The following RPL22 variants were observed in gnomAD, a reference collection of about 807,000 sequenced individuals.
RPL22 encodes ribosomal protein L22.
In RPL22, 4 loss-of-function variants were observed where a neutral mutation model predicts 16.2. The observed-to-expected ratio is 0.25, with a 90% CI of 0.12 to 0.57. The LOEUF is 0.57. RPL22 is among the 20% of genes least tolerant of loss of function. The pLI is 0.92. For missense variants in RPL22, 83 were observed against 156.1 expected (o/e 0.53, Z 2.49); for synonymous variants, 43 against 54.8 (o/e 0.78, Z 0.95).
At chr1:6,193,515 G>C (rs796646909) in intron 2 of RPL22, among the ~76,000 whole-genome samples, 1 of 152,088 alleles carries the variant, frequency 6.6e-6, no homozygotes, top group Admixed American at 6.5e-5. Flanking sequence ...TAGAGACGGG[G>C]TTTCTCCACG....
intron 3 of RPL22, among the ~76,000 whole-genome samples, chr1:6,189,414 A>C (rs1667620799): frequency 6.6e-6 from 1 of 152,148 alleles, no homozygotes; most frequent in African/African-American, 2.4e-5. Context: ...GTTCCCTGAC[A>C]TAGCCGGACA....
At chr1:6,199,040 T>G in intron 1 of RPL22, 1 of 153,590 alleles carries the variant, frequency 6.5e-6, no homozygotes, top group Non-Finnish European at 1.5e-5. Flanking sequence ...CAACACCCGT[T>G]TGGGTCTGTA....
At chr1:6,193,572 C>A (rs1667679782) in intron 2 of RPL22, among the ~76,000 whole-genome samples, 1 of 152,126 alleles carries the variant, frequency 6.6e-6, no homozygotes, top group Admixed American at 6.5e-5. Flanking sequence ...ATTCGTCCAC[C>A]TCTGCCTCCC....
At chr1:6,199,494 A>T (rs1355157920) in intron 1 of RPL22, 68 bp downstream of exon 1, 1 of 1,541,498 alleles carries the variant, frequency 6.5e-7, no homozygotes, top group East Asian at 2.5e-5. Context: ...GAGCCTGGGT[A>T]GATGCCGGGC....
chr1:6,185,678 CAG>C lies in RPL22; in HGVS notation c.*992_*993del, dbSNP rs577854154. ...ATTTCAGAAGGGCACCACAAGGCAC[CAG>C]AGTCTTTCAAAGTCACTCACAGCAA... is the stretch of plus-strand genomic sequence containing the variant. On this transcript the variant is annotated 3_prime_UTR_variant, in exon 4 of 4. Coordinates refer to ENST00000234875, the MANE Select transcript of RPL22 (RefSeq NM_000983.4). 222 of 292,490 alleles carry C rather than the reference CAG, an allele frequency of 7.6e-4. No homozygotes were observed. The highest frequency in any genetic ancestry group is 1.2e-3 in the Non-Finnish European group (186 of 158,516). 18.1% of individuals were successfully genotyped at this position (292,490 alleles called of 1,614,324 possible).
Position 6,186,600 on chromosome 1 carries a change from A to G in RPL22, c.*72T>C, listed in dbSNP as rs1667583969. 9.6e-7 allele frequency: 1 copy of G among 1,037,002 alleles called. No homozygotes were observed. The highest frequency in any genetic ancestry group is 1.4e-6 in the Non-Finnish European group (1 of 724,066). 64.2% of individuals were successfully genotyped at this position (1,037,002 alleles called of 1,614,324 possible). On this transcript the variant is annotated 3_prime_UTR_variant, in exon 4 of 4. Transcript: ENST00000234875. ...TGTTCAATCCACACTGCAGAGATAC[A>G]AGGATAAACCACCATTTTGGTTCCC...
chr1:6,199,546 G>A lies in RPL22; in HGVS notation c.12+16C>T, dbSNP rs1458605667. 1.3e-6 allele frequency: 2 copies of A among 1,560,218 alleles called. No individual in the cohort carries two copies. The highest frequency in any genetic ancestry group is 1.4e-5 in the African/African-American group (1 of 73,676). The stretch of plus-strand genomic sequence containing the variant: ...GCCTCCCCTGGAGCCGAGGCCTCAC[G>A]CGGAGCCATACTAACCACAGGAGCC... On this transcript the variant is annotated intron_variant, in intron 1 of 3. Transcript: ENST00000234875.
chr1:6,199,294 C>G, intron 1 of RPL22: 1 of 881,324 alleles, frequency 1.1e-6, no homozygotes, highest in South Asian at 3.9e-5. Context: ...AGACCGCAGT[C>G]TCCAGGCTCC....
At chr1:6,188,823 CTT>C (rs1313728245) in intron 3 of RPL22, among the ~76,000 whole-genome samples, 17 of 150,296 alleles carry the variant, frequency 1.1e-4, no homozygotes, top group Non-Finnish European at 1.6e-4. Context: ...GAGTTTCGCT[CTT>C]GTTGCCCAGG....
chr1:6,191,945 G>C (rs1203902353), intron 3 of RPL22, among the ~76,000 whole-genome samples: 1 of 150,366 alleles, frequency 6.7e-6, no homozygotes, highest in Non-Finnish European at 1.5e-5. Context: ...GTTGCAGTGA[G>C]CCAAGATGGC....
At chr1:6,191,155 C>T (rs1237475531) in intron 3 of RPL22, among the ~76,000 whole-genome samples, 1 of 150,890 alleles carries the variant, frequency 6.6e-6, no homozygotes, top group Non-Finnish European at 1.5e-5. Context: ...GTCAGGAGAT[C>T]GAGACCAGCC....
At chr1:6,189,259 G>A (rs1405462499) in intron 3 of RPL22, among the ~76,000 whole-genome samples, 8 of 134,576 alleles carry the variant, frequency 5.9e-5, no homozygotes, top group Non-Finnish European at 1.5e-5. Flanking sequence ...GCCACAAAGT[G>A]TGAAGATCTC....
intron 3 of RPL22, among the ~76,000 whole-genome samples, chr1:6,187,932 G>A (rs1667602806): frequency 6.6e-6 from 1 of 152,192 alleles, no homozygotes; most frequent in East Asian, 1.9e-4. Context: ...AACACACAGG[G>A]ACAGAATGCC....
At chr1:6,191,274 C>T (rs367546881) in intron 3 of RPL22, among the ~76,000 whole-genome samples, 2 of 147,282 alleles carry the variant, frequency 1.4e-5, no homozygotes, top group African/African-American at 5.1e-5. Flanking sequence ...GTAGGAGAAT[C>T]GCTTGAACCC....
At chr1:6,194,357 C>A (rs1427267988) in intron 2 of RPL22, among the ~76,000 whole-genome samples, 1 of 152,170 alleles carries the variant, frequency 6.6e-6, no homozygotes, top group Non-Finnish European at 1.5e-5. Context: ...GGGACTGAAA[C>A]AATTCTAGAC....
Position 6,185,525 on chromosome 1 carries a change from A to C in RPL22, c.*1147T>G, listed in dbSNP as rs187398751. On this transcript the variant is annotated 3_prime_UTR_variant, in exon 4 of 4. Coordinates refer to ENST00000234875, the MANE Select transcript of RPL22 (RefSeq NM_000983.4). Reference sequence around the variant, plus strand: ...GGAGCCAAGGTAGGACTGAGCATTGAACTTCCAGCTATGCAACTCGCAGGG... The same window carrying C: ...GGAGCCAAGGTAGGACTGAGCATTGCACTTCCAGCTATGCAACTCGCAGGG... 19 of 396,462 alleles carry C rather than the reference A, an allele frequency of 4.8e-5. No homozygotes were observed. Among genetic ancestry groups the C allele is most frequent in the Admixed American group, 2.2e-4 (5 of 22,658 alleles). The allele number at this position is 396,462 out of a possible 1,614,324, so 24.6% of individuals were successfully genotyped here.
intron 2 of RPL22, among the ~76,000 whole-genome samples, chr1:6,193,344 G>A (rs1667676059): frequency 7.2e-6 from 1 of 139,648 alleles, no homozygotes; most frequent in African/African-American, 2.8e-5. Flanking sequence ...TTTTTTTTGA[G>A]ATGGAGTTTA....
chr1:6,192,840 T>C, intron 3 of RPL22, 90 bp downstream of exon 3: 2 of 1,495,876 alleles, frequency 1.3e-6, no homozygotes, highest in South Asian at 1.2e-5. Flanking sequence ...TGCAAACCAA[T>C]CACTCTGCGG....
intron 3 of RPL22, among the ~76,000 whole-genome samples, chr1:6,191,175 T>C (rs1176648369): frequency 1.5e-4 from 19 of 129,734 alleles, no homozygotes; most frequent in East Asian, 7.3e-4. Flanking sequence ...CTGGCCAACA[T>C]GGTGAAACCC....
Sources: allele counts gnomAD v4.1 joint callset (sites outside exome capture counted in the v4.1 genomes callset), GRCh38; gene constraint gnomAD v4.1.1; transcripts MANE v1.5; gene names NCBI Gene and HGNC (gene_info 2026-07-23, HGNC 2026-07-21).